PABPC1L: variants seen among roughly 807,000 people sequenced by gnomAD.
PABPC1L encodes polyadenylate-binding protein 1-like.
A neutral mutation model predicts 66.6 loss-of-function variants in PABPC1L; 31 were observed. The ratio of observed to expected loss-of-function variants is 0.47; its 90% confidence interval spans 0.35 to 0.63. PABPC1L has a LOEUF of 0.63. Ranked by LOEUF, PABPC1L falls within the 20% of genes least tolerant of loss-of-function variation. The probability of loss-of-function intolerance (pLI) is 0.00; values close to 1 mark genes in which losing one functional copy is unlikely to be tolerated. For synonymous variants in PABPC1L, 348 were observed against 335.1 expected, an observed-to-expected ratio of 1.04 and a Z score of -0.42; for missense variants, 722 against 848.8, an observed-to-expected ratio of 0.85 and a Z score of 1.86.
intron 8 of PABPC1L, chr20:44,932,132 T>C (rs1398634770): frequency 5.1e-6 from 2 of 394,506 alleles, no homozygotes; most frequent in Middle Eastern, 6.4e-4. Flanking sequence ...GGAGCCAAGA[T>C]TGAAATCTAA....
At chr20:44,935,310 G>C in intron 10 of PABPC1L, 81 bp from the exon 11 acceptor site, 1 of 974,670 alleles carries the variant, frequency 1.0e-6, no homozygotes, top group Non-Finnish European at 1.6e-6. Flanking sequence ...TTCTGTTTTG[G>C]TGTTGTTTTG....
chr20:44,938,563 T>C, intron 13 of PABPC1L, 111 bp from the exon 14 acceptor site: 1 of 1,282,616 alleles, frequency 7.8e-7, no homozygotes, highest in Non-Finnish European at 1.1e-6. Context: ...AGAAACCCTG[T>C]GGATGGAGGA....
chr20:44,935,486 A>C lies in PABPC1L; in HGVS notation c.1555A>C (p.Ser519Arg). The C allele has an allele frequency of 6.2e-7, 1 of 1,614,140 alleles. No homozygotes were observed. The highest frequency in any genetic ancestry group is 8.5e-7 in the Non-Finnish European group (1 of 1,180,022). ...LPCKCSSAAHSTYRVQEPAVH... is the reference protein window; with the variant it reads ...LPCKCSSAAHRTYRVQEPAVH... ...GTGCAAATGTTCCTCAGCAGCACATAGCACCTATCGGGTAAGGCCAGCCCA... is the reference window on the plus strand; with the variant it reads ...GTGCAAATGTTCCTCAGCAGCACATCGCACCTATCGGGTAAGGCCAGCCCA... The change falls in exon 11 of 15, where the codon AGC becomes CGC. Residue 519 changes from serine to arginine, a missense_variant. By Grantham distance (110) the Ser-to-Arg change is moderately radical (BLOSUM62 -1). This residue lies in a region of PABPC1L where 301 missense variants were observed against 337.2 expected (regional missense o/e 0.89). Coordinates refer to ENST00000217073, the MANE Select transcript of PABPC1L (RefSeq NM_001372179.1).
rs763727369 is a variant in PABPC1L at position 44,921,670 on chromosome 20, G to A, written c.815G>A (p.Arg272Gln). 1.7e-5 allele frequency: 28 copies of A among 1,614,056 alleles called. No homozygotes were observed. Among genetic ancestry groups the A allele is most frequent in the Non-Finnish European group, 2.3e-5 (27 of 1,180,000 alleles). The change falls in exon 6 of 15, where the codon CGG becomes CAG. Residue 272 changes from arginine (R) to glutamine (Q), a missense_variant. Transcript: ENST00000217073. Reference protein sequence around the residue: ...YAGRAQKRVERQNELKRRFEQ... With the variant: ...YAGRAQKRVEQQNELKRRFEQ... ...GGCCGGGCCCAAAAGCGCGTGGAGC[G>A]GCAGAATGAACTGAAGCGCAGGTTT...
Position 44,910,225 on chromosome 20 carries a change from T to C in PABPC1L, c.82T>C (p.Tyr28His), listed in dbSNP as rs1427410918. The C allele has an allele frequency of 2.5e-6, 4 of 1,576,626 alleles. No individual in the cohort carries two copies. Among genetic ancestry groups the C allele is most frequent in the South Asian group, 2.3e-5 (2 of 86,272 alleles). Residue 28 changes from tyrosine (Y) to histidine (H), a missense_variant, in exon 1 of 15, where the codon TAT becomes CAT. Transcript: ENST00000217073. ...CCCCGACGTGACCGAGGCCATGCTCTATGAGAAGTTCTCTCCCGCCGGCCC... is the reference window on the plus strand; with the variant it reads ...CCCCGACGTGACCGAGGCCATGCTCCATGAGAAGTTCTCTCCCGCCGGCCC... ...LHPDVTEAML[Y>H]EKFSPAGPIL...
chr20:44,935,883 C>A lies in PABPC1L; in HGVS notation c.1566+386C>A, dbSNP rs6031871. Among the ~76,000 whole-genome samples, 139 of 152,302 alleles carry A rather than the reference C, an allele frequency of 9.1e-4. 1 individual carries two copies. Among genetic ancestry groups the A allele is most frequent in the African/African-American group, 3.2e-3 (134 of 41,574 alleles). ...CCCCTAAAAAAGGCCTAAAATTCAG[C>A]ATTATCATATCCTGTGTAGAATTTC... On this transcript the variant is annotated intron_variant, in intron 11 of 14. Transcript: ENST00000217073.
chr20:44,928,864 C>CAAAAA (rs10597679), intron 7 of PABPC1L, among the ~76,000 whole-genome samples: 10 of 54,324 alleles, frequency 1.8e-4, no homozygotes, highest in Admixed American at 2.9e-4. Flanking sequence ...GATCCTGACT[C>CAAAAA]AAAAAAAAAA....
At position 44,916,870 on chromosome 20, in the gene PABPC1L, G is replaced by A; in HGVS notation, c.502G>A (p.Val168Ile). ...TGGGATGCTGCTGAATGACCGCAAA[G>A]TGTGAGTGGCTGGGCCCGAGGGAGG... ...MNGMLLNDRK[V>I]FVGHFKSRRE... Residue 168 changes from valine (V) to isoleucine (I), a missense_variant and splice_region_variant, in exon 3 of 15, where the codon GTC (valine) becomes ATC (isoleucine). Val to Ile is a conservative substitution (Grantham distance 29). Around this residue, in one of 3 missense-constraint regions of PABPC1L, gnomAD observed 284 missense variants for 294.8 expected, o/e 0.96. Transcript: ENST00000217073. 1 of 1,614,004 alleles carries A rather than the reference G, an allele frequency of 6.2e-7. No homozygotes were observed. Among genetic ancestry groups the A allele is most frequent in the South Asian group, 1.1e-5 (1 of 91,066 alleles).
At chr20:44,931,105 CTTCG>C (rs2066855665) in intron 8 of PABPC1L, among the ~76,000 whole-genome samples, 1 of 130,088 alleles carries the variant, frequency 7.7e-6, no homozygotes, top group Admixed American at 7.9e-5. Context: ...TCCTTCCTTC[CTTCG>C]TGGGGTCTCC....
At position 44,912,715 on chromosome 20, in the gene PABPC1L, C is replaced by T; in HGVS notation, c.249C>T (p.Arg83=). The change falls in exon 2 of 15, where the codon CGC becomes CGT. Residue 83 remains arginine, a synonymous_variant. Coordinates refer to ENST00000217073, the MANE Select transcript of PABPC1L (RefSeq NM_001372179.1). ...AGATGCTCAAAGGCCAGCCTATTCG[C>T]ATCATGTGGTCCCAGCGAGACCCAG... ...NFEMLKGQPI[R]IMWSQRDPGL... 1 of 1,614,150 alleles carries T rather than the reference C, an allele frequency of 6.2e-7. No homozygotes were observed. The highest frequency in any genetic ancestry group is 8.5e-7 in the Non-Finnish European group (1 of 1,179,996).
intron 2 of PABPC1L, among the ~76,000 whole-genome samples, chr20:44,916,203 T>G (rs1233499018): frequency 6.6e-6 from 1 of 152,254 alleles, no homozygotes; most frequent in Admixed American, 6.5e-5. Context: ...GGAAGACAAT[T>G]AAAAGCCAGT....
chr20:44,918,805 T>C, intron 3 of PABPC1L, 101 bp from the exon 4 acceptor site: 2 of 1,411,934 alleles, frequency 1.4e-6, no homozygotes, highest in East Asian at 2.3e-5. Context: ...ATGAGGGATA[T>C]GTAAGCCTGG....
At position 44,930,740 on chromosome 20, in the gene PABPC1L, C is replaced by T. The variant is rs200359870; in HGVS notation, c.1239+14C>T. On this transcript the variant is annotated intron_variant, in intron 8 of 14. Coordinates refer to ENST00000217073, the MANE Select transcript of PABPC1L (RefSeq NM_001372179.1). ...GCCATGCCCCAGGTGACGGCCTGCC[C>T]GCAACTCCCACCGCAGCCTTCCCCC... 2.7e-5 allele frequency: 43 copies of T among 1,608,902 alleles called. No individual in the cohort carries two copies. The highest frequency in any genetic ancestry group is 3.4e-5 in the Non-Finnish European group (40 of 1,178,198).
intron 3 of PABPC1L, among the ~76,000 whole-genome samples, chr20:44,918,317 G>A (rs1462289539): frequency 2.6e-5 from 4 of 152,278 alleles, no homozygotes; most frequent in East Asian, 1.9e-4. Context: ...GCGATAGAGC[G>A]AAACTCAGTG....
intron 9 of PABPC1L, 127 bp downstream of exon 9, chr20:44,932,559 C>G (rs761619986): frequency 1.3e-4 from 94 of 740,188 alleles, no homozygotes; most frequent in Non-Finnish European, 1.9e-4. Flanking sequence ...TTCTCTGAGC[C>G]TCAGTTTCCT....
chr20:44,919,260 C>G lies in PABPC1L; in HGVS notation c.721C>G (p.His241Asp). The part of the protein sequence containing the change: ...RCFGFVNFEK[H>D]EEAQKAVVHM... ...CTTTGGCTTTGTCAACTTTGAGAAGCATGAGGAAGCCCAGAAGGTAGGAGC... is the reference window on the plus strand; with the variant it reads ...CTTTGGCTTTGTCAACTTTGAGAAGGATGAGGAAGCCCAGAAGGTAGGAGC... The change falls in exon 5 of 15, where the codon CAT (histidine) becomes GAT (aspartate). Residue 241 changes from histidine to aspartate, a missense_variant. Physicochemically the swap from His to Asp is moderately conservative, Grantham distance 81. This residue lies in a region of PABPC1L where 137 missense variants were observed against 216.8 expected (regional missense o/e 0.63). Coordinates refer to ENST00000217073, the MANE Select transcript of PABPC1L (RefSeq NM_001372179.1). The G allele has an allele frequency of 6.2e-7, 1 of 1,614,170 alleles. No individual in the cohort carries two copies. The highest frequency in any genetic ancestry group is 8.5e-7 in the Non-Finnish European group (1 of 1,180,024).
chr20:44,928,698 C>A (rs2066827451), intron 7 of PABPC1L, among the ~76,000 whole-genome samples: 1 of 151,628 alleles, frequency 6.6e-6, no homozygotes, highest in South Asian at 2.1e-4. Context: ...GAGACCTCAT[C>A]TTTACAAAAA....
At chr20:44,914,454 C>T (rs369705599) in intron 2 of PABPC1L, among the ~76,000 whole-genome samples, 6 of 152,064 alleles carry the variant, frequency 3.9e-5, no homozygotes, top group African/African-American at 9.7e-5. Flanking sequence ...GTGATCCGCC[C>T]GCCTCAGTCT....
At chr20:44,920,926 C>T (rs540689992) in intron 5 of PABPC1L, among the ~76,000 whole-genome samples, 1 of 151,420 alleles carries the variant, frequency 6.6e-6, no homozygotes, top group South Asian at 2.1e-4. Flanking sequence ...GATTCTCCCA[C>T]CTCAGCCTCC....
Sources: allele counts gnomAD v4.1 joint callset (sites outside exome capture counted in the v4.1 genomes callset), GRCh38; gene constraint gnomAD v4.1.1; regional missense constraint gnomAD v4.1.1; transcripts MANE v1.5; gene names NCBI Gene and HGNC (gene_info 2026-07-23, HGNC 2026-07-21).